CLNK: variants seen among roughly 807,000 people sequenced by gnomAD.
CLNK encodes cytokine dependent hematopoietic cell linker.
A neutral mutation model predicts 68.6 loss-of-function variants in CLNK; 74 were observed. The observed-to-expected ratio is 1.08, with a 90% CI of 0.89 to 1.31. The LOEUF is 1.31. Ranked by LOEUF, CLNK falls within the 50% of genes most tolerant of loss-of-function variation. The pLI is 0.00. For synonymous variants in CLNK, 198 were observed against 172.2 expected, an observed-to-expected ratio of 1.15 and a Z score of -1.17; for missense variants, 553 against 515.3, an observed-to-expected ratio of 1.07 and a Z score of -0.71.
chr4:10,571,668 T>C (rs1390652712), intron 5 of CLNK, 73 bp downstream of exon 5: 1 of 1,199,746 alleles, frequency 8.3e-7, no homozygotes, highest in Non-Finnish European at 1.2e-6. Context: ...TTTTACCCAG[T>C]ATCTTGAATC....
At chr4:10,514,843 AC>A (rs2109040505) in intron 15 of CLNK, among the ~76,000 whole-genome samples, 1 of 152,128 alleles carries the variant, frequency 6.6e-6, no homozygotes, top group South Asian at 2.1e-4. Context: ...AATTTTCGCA[AC>A]CTGCTACTCA....
At chr4:10,699,272 C>CAT in the CLNK span, among the ~76,000 whole-genome samples, 431 of 62,596 alleles carry the variant, frequency 6.9e-3, 15 homozygotes, top group Middle Eastern at 0.029. Flanking sequence ...TATACACACA[C>CAT]ACACACCACA....
chr4:10,617,796 G>A (rs1305052939), intron 2 of CLNK, among the ~76,000 whole-genome samples: 1 of 152,168 alleles, frequency 6.6e-6, no homozygotes, highest in East Asian at 1.9e-4. Context: ...CCAACTCTGC[G>A]CTTTTCTACT....
the CLNK span, among the ~76,000 whole-genome samples, chr4:10,724,436 T>A: frequency 1.3e-5 from 2 of 152,062 alleles, no homozygotes; most frequent in Non-Finnish European, 2.9e-5. Context: ...GCTTAAGTCA[T>A]TTTCTGGAAT....
At chr4:10,679,270 A>G (rs1263818528) in intron 1 of CLNK, among the ~76,000 whole-genome samples, 1 of 152,246 alleles carries the variant, frequency 6.6e-6, no homozygotes, top group African/African-American at 2.4e-5. Context: ...TGGGGAAAGG[A>G]TTCCATATTT....
intron 2 of CLNK, among the ~76,000 whole-genome samples, chr4:10,613,027 A>G (rs992868449): frequency 6.6e-6 from 1 of 152,244 alleles, no homozygotes; most frequent in Admixed American, 6.5e-5. Flanking sequence ...TTAGTGCTCA[A>G]TGTGGGCCGA....
At chr4:10,677,103 T>C (rs1177821639) in intron 1 of CLNK, among the ~76,000 whole-genome samples, 1 of 151,908 alleles carries the variant, frequency 6.6e-6, no homozygotes, top group African/African-American at 2.4e-5. Context: ...GCTTGATTAA[T>C]GCATTGAGAT....
At chr4:10,629,886 T>A (rs1722818072) in intron 2 of CLNK, among the ~76,000 whole-genome samples, 1 of 152,180 alleles carries the variant, frequency 6.6e-6, no homozygotes, top group South Asian at 2.1e-4. Context: ...CAAATTTATT[T>A]TTTTCAAGGC....
chr4:10,506,996 G>A (rs968659686), intron 17 of CLNK, among the ~76,000 whole-genome samples: 38 of 151,300 alleles, frequency 2.5e-4, no homozygotes, highest in Non-Finnish European at 2.7e-4. Flanking sequence ...TAGTAGAGAC[G>A]GGTTTTCACC....
At chr4:10,669,768 C>T (rs1002505546) in intron 1 of CLNK, among the ~76,000 whole-genome samples, 15 of 152,140 alleles carry the variant, frequency 9.9e-5, no homozygotes, top group African/African-American at 3.4e-4. Context: ...CTCATCCCCT[C>T]GTCTTATGCT....
chr4:10,540,188 C>T (rs527669163), intron 11 of CLNK, among the ~76,000 whole-genome samples: 37 of 152,308 alleles, frequency 2.4e-4, no homozygotes, highest in Non-Finnish European at 4.7e-4. Context: ...TGGTTTTATA[C>T]AGGGCTCTTC....
the CLNK span, among the ~76,000 whole-genome samples, chr4:10,689,918 G>A: frequency 6.6e-6 from 1 of 151,690 alleles, no homozygotes; most frequent in Non-Finnish European, 1.5e-5. Context: ...TCATCTCATA[G>A]CCTGTCTCCT....
intron 3 of CLNK, among the ~76,000 whole-genome samples, chr4:10,593,322 G>A (rs1721253982): frequency 6.6e-6 from 1 of 151,384 alleles, no homozygotes; most frequent in African/African-American, 2.4e-5. Flanking sequence ...TTGCCTGACT[G>A]AAGGGACCCA....
Position 10,523,488 on chromosome 4 carries a change from C to T in CLNK, c.731+2353G>A, listed in dbSNP as rs189432965. 3.2e-4 allele frequency among the ~76,000 whole-genome samples: 49 copies of T among 152,066 alleles called. 2 individuals carry two copies. The East Asian group carries it at 3.5e-3, about 11-fold the overall frequency. On this transcript the variant is annotated intron_variant, in intron 14 of 18. Coordinates refer to ENST00000226951, the MANE Select transcript of CLNK (RefSeq NM_052964.4). Reference sequence around the variant, plus strand: ...TAAAGAGACCTTGGATGAACTCTGACGAATACCAACATTTGGAGGTCAGTT... The same window carrying T: ...TAAAGAGACCTTGGATGAACTCTGATGAATACCAACATTTGGAGGTCAGTT...
intron 2 of CLNK, among the ~76,000 whole-genome samples, chr4:10,600,755 T>A (rs1288498228): frequency 6.6e-6 from 1 of 152,222 alleles, no homozygotes; most frequent in African/African-American, 2.4e-5. Flanking sequence ...ACAGAGTCCT[T>A]TGAATCTCTC....
intron 5 of CLNK, among the ~76,000 whole-genome samples, chr4:10,570,253 C>G (rs964761137): frequency 2.0e-5 from 3 of 152,138 alleles, no homozygotes; most frequent in Non-Finnish European, 2.9e-5. Context: ...AACCCATTTT[C>G]CAACTTTCCA....
intron 15 of CLNK, 132 bp from the exon 16 acceptor site, chr4:10,513,729 G>T: frequency 1.3e-6 from 1 of 767,836 alleles, no homozygotes. Context: ...CACCATATCA[G>T]CTCACTCAGT....
intron 3 of CLNK, among the ~76,000 whole-genome samples, chr4:10,588,605 A>G (rs1403274315): frequency 6.6e-6 from 1 of 152,214 alleles, no homozygotes. Flanking sequence ...TTGTCTGTTC[A>G]ACCCATTTAC....
the CLNK span, among the ~76,000 whole-genome samples, chr4:10,734,711 A>G: frequency 5.3e-5 from 8 of 152,150 alleles, no homozygotes; most frequent in Admixed American, 5.2e-4. Context: ...GCCCCCTTGT[A>G]AGGATCTTGG....
Sources: allele counts gnomAD v4.1 joint callset (sites outside exome capture counted in the v4.1 genomes callset), GRCh38; gene constraint gnomAD v4.1.1; transcripts MANE v1.5; gene names NCBI Gene and HGNC (gene_info 2026-07-23, HGNC 2026-07-21).